The following SPIDR variants were observed in gnomAD, a reference collection of about 807,000 sequenced individuals.
SPIDR encodes DNA repair-scaffolding protein.
A neutral mutation model predicts 104.6 loss-of-function variants in SPIDR; 93 were observed. That is an observed-to-expected ratio of 0.89 (90% CI 0.75 to 1.06). The LOEUF is 1.06. Ranked by LOEUF, SPIDR falls within the 50% of genes least tolerant of loss-of-function variation. SPIDR has a pLI of 0.00. For synonymous variants in SPIDR, 431 were observed against 416.9 expected (o/e 1.03, Z -0.41); for missense variants, 1,154 against 1,111.2 (o/e 1.04, Z -0.55).
At chr8:47,305,775 A>G (rs1554581008) in intron 5 of SPIDR, among the ~76,000 whole-genome samples, 10 of 152,178 alleles carry the variant, frequency 6.6e-5, no homozygotes, top group Non-Finnish European at 1.3e-4. Flanking sequence ...AGAACTGCCC[A>G]TTGTTTTCAT....
chr8:47,591,571 G>C (rs2061017031), intron 8 of SPIDR, among the ~76,000 whole-genome samples: 2 of 152,038 alleles, frequency 1.3e-5, no homozygotes, highest in Non-Finnish European at 2.9e-5. Context: ...ATCTACATTT[G>C]ACAGCAGTGT....
At chr8:47,333,333 G>C (rs1251062265) in intron 5 of SPIDR, among the ~76,000 whole-genome samples, 1 of 152,070 alleles carries the variant, frequency 6.6e-6, no homozygotes, top group African/African-American at 2.4e-5. Flanking sequence ...ATGGAGTCTT[G>C]CTCTGTAACC....
intron 8 of SPIDR, among the ~76,000 whole-genome samples, chr8:47,485,697 AAT>A (rs1469782393): frequency 6.6e-6 from 1 of 152,244 alleles, no homozygotes; most frequent in Admixed American, 6.5e-5. Flanking sequence ...GCCGTTCTGC[AAT>A]ATTGTCTGTT....
At chr8:47,602,893 G>A (rs1036740113) in intron 10 of SPIDR, among the ~76,000 whole-genome samples, 5 of 152,180 alleles carry the variant, frequency 3.3e-5, no homozygotes, top group African/African-American at 1.2e-4. Context: ...CCTGTCCATT[G>A]TTCTTCTGGA....
intron 8 of SPIDR, among the ~76,000 whole-genome samples, chr8:47,466,938 T>G (rs140115773): frequency 0.029 from 4,016 of 138,276 alleles, 184 homozygotes; most frequent in Non-Finnish European, 0.048. Context: ...GATAGATAGA[T>G]AGATAGATAG....
intron 10 of SPIDR, among the ~76,000 whole-genome samples, chr8:47,664,894 CAAAA>C (rs72582293): frequency 8.9e-6 from 1 of 112,372 alleles, no homozygotes. Context: ...GACCCTGTCT[CAAAA>C]AAAAAAAAAG....
At chr8:47,502,867 T>G (rs1198053812) in intron 8 of SPIDR, among the ~76,000 whole-genome samples, 2 of 152,240 alleles carry the variant, frequency 1.3e-5, no homozygotes, top group East Asian at 3.8e-4. Context: ...AAAGAACATC[T>G]TTATTTCAGC....
intron 11 of SPIDR, among the ~76,000 whole-genome samples, chr8:47,678,986 T>A (rs976480363): frequency 1.3e-5 from 2 of 152,194 alleles, no homozygotes; most frequent in Non-Finnish European, 1.5e-5. Context: ...TGCTAGCCTC[T>A]GCACTAGTTT....
intron 1 of SPIDR, chr8:47,276,886 A>G: frequency 6.6e-6 from 1 of 151,398 alleles, no homozygotes; most frequent in Non-Finnish European, 1.5e-5. Flanking sequence ...TACAGCTTCA[A>G]ACCACTGGAA....
At chr8:47,300,645 G>A (rs1296793721) in intron 5 of SPIDR, among the ~76,000 whole-genome samples, 2 of 152,126 alleles carry the variant, frequency 1.3e-5, no homozygotes, top group South Asian at 4.1e-4. Flanking sequence ...CTGGTATGTT[G>A]TGTCTTTGTT....
intron 8 of SPIDR, among the ~76,000 whole-genome samples, chr8:47,554,668 GA>G (rs995664294): frequency 7.9e-5 from 12 of 152,258 alleles, no homozygotes; most frequent in African/African-American, 2.9e-4. Context: ...CCCTTCCTAG[GA>G]AAGGGAATTC....
intron 5 of SPIDR, among the ~76,000 whole-genome samples, chr8:47,338,761 C>T (rs1461164800): frequency 6.6e-6 from 1 of 152,096 alleles, no homozygotes; most frequent in East Asian, 1.9e-4. Flanking sequence ...ACTTTAAAAT[C>T]AAATTATTTA....
At chr8:47,262,637 C>G (rs1218297371) in intron 1 of SPIDR, among the ~76,000 whole-genome samples, 1 of 152,190 alleles carries the variant, frequency 6.6e-6, no homozygotes, top group East Asian at 1.9e-4. Context: ...ATATCGGTCC[C>G]CGTGTCTTTT....
intron 9 of SPIDR, among the ~76,000 whole-genome samples, chr8:47,597,797 T>G (rs528519287): frequency 2.1e-4 from 32 of 151,864 alleles, no homozygotes; most frequent in African/African-American, 7.5e-4. Context: ...AGGGAACCAC[T>G]AAAATTCACT....
chr8:47,323,076 C>T (rs1026722057), intron 5 of SPIDR, among the ~76,000 whole-genome samples: 1 of 143,858 alleles, frequency 7.0e-6, no homozygotes, highest in Admixed American at 7.1e-5. Flanking sequence ...TACCCGAAAA[C>T]GTAAAGTATA....
chr8:47,418,594 A>G (rs1193787195), intron 7 of SPIDR, among the ~76,000 whole-genome samples: 1 of 152,152 alleles, frequency 6.6e-6, no homozygotes, highest in Non-Finnish European at 1.5e-5. Flanking sequence ...CTGTTTTCCT[A>G]GTTGAATACC....
intron 8 of SPIDR, among the ~76,000 whole-genome samples, chr8:47,525,787 A>AG (rs995038313): frequency 6.6e-6 from 1 of 152,062 alleles, no homozygotes; most frequent in African/African-American, 2.4e-5. Flanking sequence ...AAAAAAAAAA[A>AG]AAAAATCACA....
intron 8 of SPIDR, among the ~76,000 whole-genome samples, chr8:47,452,691 A>G (rs1490070757): frequency 8.5e-5 from 13 of 152,362 alleles, no homozygotes; most frequent in African/African-American, 3.1e-4. Flanking sequence ...TCAATAAATT[A>G]GGTATTGATG....
chr8:47,501,187 T>C (rs1377204905), intron 8 of SPIDR, among the ~76,000 whole-genome samples: 3 of 152,214 alleles, frequency 2.0e-5, no homozygotes, highest in African/African-American at 7.2e-5. Context: ...AAGAAAGTCA[T>C]TGGTAGCTTG....
Sources: allele counts gnomAD v4.1 joint callset (sites outside exome capture counted in the v4.1 genomes callset), GRCh38; gene constraint gnomAD v4.1.1; transcripts MANE v1.5; gene names NCBI Gene and HGNC (gene_info 2026-07-23, HGNC 2026-07-21).